PTCD1: variants seen among roughly 807,000 people sequenced by gnomAD.
PTCD1 encodes pentatricopeptide repeat domain 1.
A neutral mutation model predicts 53.4 loss-of-function variants in PTCD1; 50 were observed. The ratio of observed to expected loss-of-function variants is 0.94; its 90% CI spans 0.75 to 1.19. The LOEUF (loss-of-function observed/expected upper bound fraction) is 1.19, where lower values mean the gene tolerates loss of function less well. PTCD1 is among the 50% of genes most tolerant of loss of function. The pLI is 0.00. For missense variants in PTCD1, 918 were observed against 904.8 expected (o/e 1.01, Z -0.19); for synonymous variants, 413 against 394.8 (o/e 1.05, Z -0.55).
At chr7:99,434,638 G>T in intron 2 of PTCD1, 152 bp downstream of exon 2, 1 of 955,626 alleles carries the variant, frequency 1.0e-6, no homozygotes, top group Non-Finnish European at 1.6e-6. Flanking sequence ...GTGGAGGATG[G>T]CAAAGGGTTG....
chr7:99,437,148 A>G (rs1451766916), intron 1 of PTCD1, among the ~76,000 whole-genome samples: 1 of 152,138 alleles, frequency 6.6e-6, no homozygotes. Context: ...TTGCAGGCGT[A>G]AGCCTCCATG....
At chr7:99,421,099 A>T (rs1451551550) in intron 7 of PTCD1, among the ~76,000 whole-genome samples, 2 of 152,178 alleles carry the variant, frequency 1.3e-5, no homozygotes, top group Non-Finnish European at 2.9e-5. Flanking sequence ...ATGAGTACAG[A>T]TGCTCCTGAC....
At chr7:99,436,098 A>C (rs900789250) in intron 1 of PTCD1, among the ~76,000 whole-genome samples, 5 of 152,040 alleles carry the variant, frequency 3.3e-5, no homozygotes, top group African/African-American at 1.2e-4. Context: ...GGTGTGAGCC[A>C]CTATGCCTGG....
rs201365604 is a variant in PTCD1 at position 99,434,948 on chromosome 7, G to A, written c.295C>T (p.Arg99Trp). 249 of 1,614,046 alleles carry A rather than the reference G, an allele frequency of 1.5e-4. No individual in the cohort carries two copies. Among genetic ancestry groups the A allele is most frequent in the Middle Eastern group, 1.3e-3 (8 of 6,082 alleles). ...GCTGCGGATTTGCGGAATAGTCTCC[G>A]GGAGGAGTATTTGTCAGAGAGGGTC... ...FGTLSDKYSS[R>W]RLFRKSAAQF... Residue 99 changes from arginine (R) to tryptophan (W), a missense_variant, in exon 2 of 8, where the codon CGG (arginine) becomes TGG (tryptophan). Arg to Trp is a moderately radical substitution (Grantham distance 101). Coordinates refer to ENST00000292478, the MANE Select transcript of PTCD1 (RefSeq NM_015545.4).
chr7:99,427,654 G>C (rs1276997106), intron 5 of PTCD1, among the ~76,000 whole-genome samples: 2 of 150,994 alleles, frequency 1.3e-5, no homozygotes, highest in African/African-American at 2.4e-5. Flanking sequence ...CGGTTTTGTG[G>C]AATAGAAAGG....
Position 99,425,026 on chromosome 7 carries a change from A to G in PTCD1, c.1506T>C (p.Pro502=). ...GGAGGGCCAGCAGCAAGGACTCTGC[A>G]GGACTCCCGGACTCCACCACCTCGG... ...LLAEVVESGS[P]AESLLLALLD... The change falls in exon 6 of 8, where the codon CCT becomes CCC. Residue 502 remains proline (P), a synonymous_variant. Coordinates refer to ENST00000292478, the MANE Select transcript of PTCD1 (RefSeq NM_015545.4). The G allele has an allele frequency of 6.2e-7, 1 of 1,614,220 alleles. No individual in the cohort carries two copies. The highest frequency in any genetic ancestry group is 1.1e-5 in the South Asian group (1 of 91,090).
rs768837799 is a variant in PTCD1 at position 99,419,924 on chromosome 7, C to T, written c.*43G>A. On this transcript the variant is annotated 3_prime_UTR_variant, in exon 8 of 8. Transcript: ENST00000292478. ...CAGCTCACTTGTCCTGGGGCTCCCA[C>T]AGAGCACTGGGGGCCGAGCACATTG... 8 of 1,613,072 alleles carry T rather than the reference C, an allele frequency of 5.0e-6. No individual in the cohort carries two copies. Among genetic ancestry groups the T allele is most frequent in the Non-Finnish European group, 8.5e-7 (1 of 1,179,948 alleles).
Position 99,423,773 on chromosome 7 carries a change from A to G in PTCD1, c.1920+2T>C, listed in dbSNP as rs1408676626. The G allele has an allele frequency of 6.2e-7, 1 of 1,613,864 alleles. No individual in the cohort carries two copies. Among genetic ancestry groups the G allele is most frequent in the Non-Finnish European group, 8.5e-7 (1 of 1,179,974 alleles). ...ATGAGCTTTTGAGCTTGGGGCACAC[A>G]CCCGGTCAAAGGTGGGAGGGTACTG... On this transcript the variant is annotated splice_donor_variant, in intron 7 of 7. Coordinates refer to ENST00000292478, the MANE Select transcript of PTCD1 (RefSeq NM_015545.4). LOFTEE classifies it high-confidence loss of function.
chr7:99,429,023 C>A, intron 5 of PTCD1, 80 bp downstream of exon 5: 2 of 1,502,178 alleles, frequency 1.3e-6, no homozygotes, highest in Admixed American at 1.7e-5. Flanking sequence ...ACAGGGCCAT[C>A]GTGGGTGCTC....
In PTCD1 at chr7:99,429,884, G is replaced by A; in HGVS notation, c.595-78C>T. 4 of 1,557,014 alleles carry A rather than the reference G, an allele frequency of 2.6e-6. No individual in the cohort carries two copies. In the South Asian group the frequency reaches 4.6e-5, roughly 18 times the overall value. Reference sequence around the variant, plus strand: ...GTGAGCAGCTGCCCCAGAGGAGGCTGAGGCTGGAGAGGACCCCGTCACTGC... The same window carrying A: ...GTGAGCAGCTGCCCCAGAGGAGGCTAAGGCTGGAGAGGACCCCGTCACTGC... On this transcript the variant is annotated intron_variant, in intron 3 of 7. Transcript: ENST00000292478.
rs1365793150 is a variant in PTCD1 at position 99,435,018 on chromosome 7, G to A, written c.225C>T (p.Ser75=). Residue 75 remains serine (S), a synonymous_variant, in exon 2 of 8, where the codon TCC becomes TCT. Coordinates refer to ENST00000292478, the MANE Select transcript of PTCD1 (RefSeq NM_015545.4). ...SLGSDPSHSN[S]TATQEEDEEE... is the part of the protein sequence containing the mutation. ...CCTCGTCTTCTTCCTGCGTGGCCGT[G>A]GAGTTGGAGTGGCTCGGGTCAGAGC... 8 of 1,614,090 alleles carry A rather than the reference G, an allele frequency of 5.0e-6. No homozygotes were observed. The highest frequency in any genetic ancestry group is 6.8e-6 in the Non-Finnish European group (8 of 1,180,000).
In PTCD1 at chr7:99,417,219, A is replaced by G. The variant is rs912402129; in HGVS notation, c.*2748T>C. 1.3e-5 allele frequency: 6 copies of G among 470,668 alleles called. No individual in the cohort carries two copies. The highest frequency in any genetic ancestry group is 1.2e-4 in the African/African-American group (6 of 50,132). The allele number at this position is 470,668 out of a possible 1,614,324, so 29.2% of individuals were successfully genotyped here. Reference sequence around the variant, plus strand: ...TTACAGCTGCTACCACGCCCGAGTAATTTTTGTATTTTTAGTAGAGACGGG... The same window carrying G: ...TTACAGCTGCTACCACGCCCGAGTAGTTTTTGTATTTTTAGTAGAGACGGG... On this transcript the variant is annotated 3_prime_UTR_variant, in exon 8 of 8. Coordinates refer to ENST00000292478, the MANE Select transcript of PTCD1 (RefSeq NM_015545.4).
chr7:99,433,428 A>G lies in PTCD1; in HGVS notation c.454-10T>C. The stretch of plus-strand genomic sequence containing the variant: ...CCAGGGCTTCAACCAGCTGCAGGGA[A>G]GAGGCAACAGGGCAGGGGCTCAGAA... On this transcript the variant is annotated splice_polypyrimidine_tract_variant and intron_variant, in intron 2 of 7. Transcript: ENST00000292478. 1 of 1,614,116 alleles carries G rather than the reference A, an allele frequency of 6.2e-7. No individual in the cohort carries two copies. The highest frequency in any genetic ancestry group is 8.5e-7 in the Non-Finnish European group (1 of 1,180,028).
At chr7:99,426,188 TCTCCCC>T (rs1450777251) in intron 5 of PTCD1, among the ~76,000 whole-genome samples, 2 of 118,444 alleles carry the variant, frequency 1.7e-5, no homozygotes, top group East Asian at 5.8e-4. Context: ...TCCCTCTCCC[TCTCCCC>T]ACGGTCTCCC....
At chr7:99,430,417 G>A (rs967030989) in intron 3 of PTCD1, among the ~76,000 whole-genome samples, 14 of 152,232 alleles carry the variant, frequency 9.2e-5, no homozygotes, top group East Asian at 1.9e-4. Context: ...CCTAGCACTC[G>A]CTATTGGCCA....
At chr7:99,422,682 G>A (rs1045927393) in intron 7 of PTCD1, among the ~76,000 whole-genome samples, 2 of 152,190 alleles carry the variant, frequency 1.3e-5, no homozygotes, top group East Asian at 1.9e-4. Context: ...AAATGCTGGC[G>A]GCTGTGCCAA....
chr7:99,424,853 T>A lies in PTCD1; in HGVS notation c.1679A>T (p.Asn560Ile), dbSNP rs772231526. 1.9e-6 allele frequency: 3 copies of A among 1,614,250 alleles called. No homozygotes were observed. The highest frequency in any genetic ancestry group is 2.2e-5 in the East Asian group (1 of 44,886). The part of the protein sequence containing the change: ...GLVPNLQTFC[N>I]LAIGCHRPKD... The stretch of plus-strand genomic sequence containing the variant: ...CGGCCTGTGGCACCCGATGGCCAGG[T>A]TGCAGAATGTCTGCAGGTTGGGGAC... The change falls in exon 6 of 8, where the codon AAC (asparagine) becomes ATC (isoleucine). Residue 560 changes from asparagine to isoleucine, a missense_variant. Asn to Ile is a moderately radical substitution (Grantham distance 149). Coordinates refer to ENST00000292478, the MANE Select transcript of PTCD1 (RefSeq NM_015545.4).
intron 1 of PTCD1, among the ~76,000 whole-genome samples, chr7:99,438,080 A>G (rs911843635): frequency 6.6e-6 from 1 of 152,196 alleles, no homozygotes; most frequent in African/African-American, 2.4e-5. Context: ...AGAGAAAAAT[A>G]GGGGTGCATT....
intron 1 of PTCD1, among the ~76,000 whole-genome samples, chr7:99,436,313 A>G (rs1184802078): frequency 6.6e-6 from 1 of 152,086 alleles, no homozygotes; most frequent in East Asian, 1.9e-4. Flanking sequence ...TGGCAGATTG[A>G]ACAGATTAAA....
Sources: allele counts gnomAD v4.1 joint callset (sites outside exome capture counted in the v4.1 genomes callset), GRCh38; gene constraint gnomAD v4.1.1; transcripts MANE v1.5; gene names NCBI Gene and HGNC (gene_info 2026-07-23, HGNC 2026-07-21).